The following LARGE1 variants were observed in gnomAD, a reference collection of about 807,000 sequenced individuals.
LARGE1 encodes xylosyl- and glucuronyltransferase LARGE1.
A neutral mutation model predicts 87.6 loss-of-function variants in LARGE1; 43 were observed. The observed-to-expected ratio is 0.49, with a 90% CI of 0.38 to 0.63. The LOEUF is 0.63. Ranked by LOEUF, LARGE1 falls within the 30% of genes least tolerant of loss-of-function variation. LARGE1 has a pLI of 0.00. For missense variants in LARGE1, 802 were observed against 1,000.2 expected (o/e 0.80, Z 2.67); for synonymous variants, 434 against 394.6 (o/e 1.10, Z -1.18).
chr22:33,809,819 T>C lies in LARGE1; in HGVS notation c.-82-48261A>G, dbSNP rs147659160. 8.5e-3 allele frequency among the ~76,000 whole-genome samples: 1,300 copies of C among 152,256 alleles called. 17 individuals carry two copies. The highest frequency in any genetic ancestry group is 0.03 in the African/African-American group (1,253 of 41,542). The stretch of plus-strand genomic sequence containing the variant: ...TATTTTACACTTAAGTACATCTCAA[T>C]TGGGGTGCTAAATTTTCAATGACTG... On this transcript the variant is annotated intron_variant, in intron 1 of 14. Transcript: ENST00000397394.
intron 1 of LARGE1, among the ~76,000 whole-genome samples, chr22:33,899,313 T>G (rs1327060351): frequency 6.6e-6 from 1 of 152,120 alleles, no homozygotes; most frequent in Non-Finnish European, 1.5e-5. Flanking sequence ...CTCTCCCATG[T>G]CAAAAATGGA....
At chr22:33,510,845 C>G (rs1255127760) in intron 6 of LARGE1, among the ~76,000 whole-genome samples, 1 of 152,146 alleles carries the variant, frequency 6.6e-6, no homozygotes, top group Non-Finnish European at 1.5e-5. Flanking sequence ...CCTTGGCCGC[C>G]CAAAGTGCTG....
At chr22:33,809,808 G>A (rs2086435016) in intron 1 of LARGE1, among the ~76,000 whole-genome samples, 1 of 151,758 alleles carries the variant, frequency 6.6e-6, no homozygotes, top group Non-Finnish European at 1.5e-5. Context: ...TTACACTTAA[G>A]TACATCTCAA....
chr22:33,524,339 A>G (rs2071771455), intron 6 of LARGE1, among the ~76,000 whole-genome samples: 3 of 151,776 alleles, frequency 2.0e-5, no homozygotes, highest in South Asian at 4.2e-4. Flanking sequence ...TTTCCTTGCC[A>G]GGCTCCCCAC....
In LARGE1 at chr22:33,784,137, C is replaced by T. The variant is rs1199840830; in HGVS notation, c.-82-22579G>A. 5.3e-5 allele frequency among the ~76,000 whole-genome samples: 8 copies of T among 152,170 alleles called. No individual in the cohort carries two copies. The East Asian group carries it at 9.6e-4, about 18-fold the overall frequency. On this transcript the variant is annotated intron_variant, in intron 1 of 14. Transcript: ENST00000397394. ...ACTCTGCTTAATTAGAATGGCTTTT[C>T]GTTTCGTTTTGTTTAACAACTGCAA...
chr22:33,912,535 G>C (rs1400155454), intron 1 of LARGE1, among the ~76,000 whole-genome samples: 1 of 152,164 alleles, frequency 6.6e-6, no homozygotes, highest in Non-Finnish European at 1.5e-5. Context: ...TCTCTCAGTA[G>C]TCAGGGTTCC....
At position 33,363,408 on chromosome 22, in the gene LARGE1, G is replaced by A. The variant is rs1355729527; in HGVS notation, c.1131+18511C>T. ...ATTGGCAACAGGCAAGAGAAAGAAT[G>A]AGACCCAAGGGAAAAGGGAAACCCC... On this transcript the variant is annotated intron_variant, in intron 9 of 14. Transcript: ENST00000397394. 1.3e-5 allele frequency among the ~76,000 whole-genome samples: 2 copies of A among 149,788 alleles called. 1 individual carries two copies. The highest frequency in any genetic ancestry group is 3.0e-5 in the Non-Finnish European group (2 of 67,186).
intron 6 of LARGE1, among the ~76,000 whole-genome samples, chr22:33,562,210 G>A (rs1185460384): frequency 6.6e-6 from 1 of 152,154 alleles, no homozygotes; most frequent in Non-Finnish European, 1.5e-5. Flanking sequence ...ACATACAAAA[G>A]TGATACAAAA....
intron 6 of LARGE1, among the ~76,000 whole-genome samples, chr22:33,524,063 C>T (rs573861195): frequency 3.5e-4 from 54 of 152,136 alleles, no homozygotes; most frequent in Non-Finnish European, 6.0e-4. Context: ...AATGCTGAGG[C>T]GGGCGGATCA....
intron 9 of LARGE1, among the ~76,000 whole-genome samples, chr22:33,344,113 C>G (rs1320797974): frequency 7.2e-5 from 11 of 152,224 alleles, no homozygotes; most frequent in Admixed American, 7.2e-4. Flanking sequence ...GATTTGCCTT[C>G]TCCAGCCCAC....
At chr22:33,347,233 G>C (rs998700968) in intron 9 of LARGE1, among the ~76,000 whole-genome samples, 1 of 152,182 alleles carries the variant, frequency 6.6e-6, no homozygotes, top group African/African-American at 2.4e-5. Flanking sequence ...AGCTCTATTA[G>C]AGAACTCATT....
At position 33,513,706 on chromosome 22, in the gene LARGE1, C is replaced by T. The variant is rs114533231; in HGVS notation, c.787+51142G>A. On this transcript the variant is annotated intron_variant, in intron 6 of 14. Transcript: ENST00000397394. ...AGACAAGAGTTCATTTTTCTAATCC[C>T]GGAACGCTCCCACATGTGAAAAAGC... 3.6e-3 allele frequency among the ~76,000 whole-genome samples: 541 copies of T among 152,056 alleles called. 4 individuals carry two copies. The highest frequency in any genetic ancestry group is 7.6e-3 in the African/African-American group (315 of 41,486).
intron 2 of LARGE1, chr22:33,747,594 TA>T (rs1006577609): frequency 6.6e-6 from 1 of 152,396 alleles, no homozygotes; most frequent in Non-Finnish European, 1.5e-5. Context: ...CACTTTGCTT[TA>T]TTTTTCTTTG....
chr22:33,432,116 C>G, intron 7 of LARGE1, 45 bp downstream of exon 7: 1 of 1,479,284 alleles, frequency 6.8e-7, no homozygotes, highest in Non-Finnish European at 9.5e-7. Context: ...ACTGGGTCCT[C>G]ATATCACCTT....
chr22:33,389,781 G>A (rs2147190024), intron 7 of LARGE1, among the ~76,000 whole-genome samples: 1 of 152,224 alleles, frequency 6.6e-6, no homozygotes, highest in Non-Finnish European at 1.5e-5. Context: ...GGAAGCACAG[G>A]TTGCAGTGAG....
At chr22:33,291,402 T>C (rs151228398) in intron 12 of LARGE1, among the ~76,000 whole-genome samples, 1 of 152,118 alleles carries the variant, frequency 6.6e-6, no homozygotes, top group Non-Finnish European at 1.5e-5. Flanking sequence ...TCTACCCTTA[T>C]GCATTCTCCT....
At chr22:33,906,668 G>C (rs890919545) in intron 1 of LARGE1, among the ~76,000 whole-genome samples, 2 of 152,270 alleles carry the variant, frequency 1.3e-5, no homozygotes, top group South Asian at 4.1e-4. Flanking sequence ...TGAGAGAAAA[G>C]TGCAAGGTAG....
intron 11 of LARGE1, among the ~76,000 whole-genome samples, chr22:33,196,408 G>C (rs1378049103): frequency 1.3e-5 from 2 of 151,952 alleles, no homozygotes; most frequent in Admixed American, 6.5e-5. Flanking sequence ...AATGAAATGG[G>C]GAAATGTATT....
At position 33,760,660 on chromosome 22, in the gene LARGE1, A is replaced by C. The variant is rs141440949; in HGVS notation, c.106+711T>G. Among the ~76,000 whole-genome samples, 222 of 152,302 alleles carry C rather than the reference A, an allele frequency of 1.5e-3. 2 individuals carry two copies. In the East Asian group the frequency reaches 0.031, roughly 21 times the overall value. ...AACACAGCCAGGCGCAGTGGCTCACACTTGTAATCCCAGCACTTTTGGAGG... is the reference window on the plus strand; with the variant it reads ...AACACAGCCAGGCGCAGTGGCTCACCCTTGTAATCCCAGCACTTTTGGAGG... On this transcript the variant is annotated intron_variant, in intron 2 of 14. Transcript: ENST00000397394.
Sources: gnomAD v4.1 joint callset for allele counts (sites outside exome capture counted in the v4.1 genomes callset) on GRCh38, gnomAD v4.1.1 for gene constraint, MANE v1.5 for transcripts, NCBI Gene and HGNC (gene_info 2026-07-23, HGNC 2026-07-21) for gene names.